The following WWOX variants were observed in gnomAD, a reference collection of about 807,000 sequenced individuals.
WWOX encodes WW domain containing oxidoreductase.
A neutral mutation model predicts 46.2 loss-of-function variants in WWOX; 69 were observed. The observed-to-expected ratio is 1.49, with a 90% CI of 1.23 to 1.82. The LOEUF (loss-of-function observed/expected upper bound fraction) is 1.82, where lower values mean the gene tolerates loss of function less well. Ranked by LOEUF, WWOX falls within the 40% of genes most tolerant of loss-of-function variation. The probability of loss-of-function intolerance (pLI) is 0.00; values close to 1 mark genes in which losing one functional copy is unlikely to be tolerated. For missense variants in WWOX, 919 were observed against 542.6 expected (o/e 1.69, Z -6.89); for synonymous variants, 359 against 202.6 (o/e 1.77, Z -6.56).
intron 8 of WWOX, among the ~76,000 whole-genome samples, chr16:78,968,791 G>C (rs773256993): frequency 2.6e-5 from 4 of 152,116 alleles, no homozygotes; most frequent in Non-Finnish European, 4.4e-5. Context: ...AGATAGCACA[G>C]ATTGTTTCAT....
chr16:78,294,698 C>A (rs2079915313), intron 5 of WWOX, among the ~76,000 whole-genome samples: 2 of 119,448 alleles, frequency 1.7e-5, no homozygotes, highest in East Asian at 6.5e-4. Context: ...TTGGATATAG[C>A]CTTATGTTCC....
chr16:78,379,347 C>G (rs1424646716), intron 5 of WWOX, among the ~76,000 whole-genome samples: 1 of 152,158 alleles, frequency 6.6e-6, no homozygotes, highest in African/African-American at 2.4e-5. Context: ...CAACCCTTCT[C>G]TCTGCAGTTG....
chr16:78,580,660 A>G (rs977217783), intron 8 of WWOX, among the ~76,000 whole-genome samples: 2 of 152,228 alleles, frequency 1.3e-5, no homozygotes, highest in African/African-American at 4.8e-5. Context: ...CTTTTGTAAC[A>G]CTATCTTGTT....
At chr16:79,030,520 A>G (rs2047731934) in intron 8 of WWOX, among the ~76,000 whole-genome samples, 2 of 152,192 alleles carry the variant, frequency 1.3e-5, no homozygotes, top group Non-Finnish European at 2.9e-5. Context: ...AGGCACTGAC[A>G]CCAGACCAGG....
chr16:78,122,297 T>A (rs1280580927), intron 4 of WWOX, among the ~76,000 whole-genome samples: 1 of 152,212 alleles, frequency 6.6e-6, no homozygotes, highest in East Asian at 1.9e-4. Context: ...GAAACTTTTT[T>A]GTCACATGAG....
intron 8 of WWOX, among the ~76,000 whole-genome samples, chr16:78,802,122 C>T (rs1190556528): frequency 6.7e-6 from 1 of 150,368 alleles, no homozygotes; most frequent in Non-Finnish European, 1.5e-5. Flanking sequence ...GAATCTCACT[C>T]TTAGATCAGA....
chr16:78,562,004 CT>C (rs1346877272), intron 8 of WWOX, among the ~76,000 whole-genome samples: 1 of 152,124 alleles, frequency 6.6e-6, no homozygotes, highest in Non-Finnish European at 1.5e-5. Context: ...TTCAGGATTG[CT>C]ATAATGATGA....
chr16:78,149,105 C>T lies in WWOX; in HGVS notation c.410-15078C>T, dbSNP rs577500315. Among the ~76,000 whole-genome samples the T allele has an allele frequency of 4.8e-4, 73 of 152,110 alleles. No homozygotes were observed. In the South Asian group the frequency reaches 9.6e-3, roughly 20 times the overall value. On this transcript the variant is annotated intron_variant, in intron 4 of 8. Transcript: ENST00000566780. ...TTCCTAAGCTCAAGTGATCCTCCTG[C>T]CTTGGCCTCCTAAAGTGCTGGGATT... is the stretch of plus-strand genomic sequence containing the variant.
At chr16:78,252,680 G>A (rs1357316508) in intron 5 of WWOX, among the ~76,000 whole-genome samples, 2 of 152,170 alleles carry the variant, frequency 1.3e-5, no homozygotes, top group Non-Finnish European at 2.9e-5. Flanking sequence ...GCCAGGAGAC[G>A]TAGACGAGCT....
At chr16:78,226,035 C>T (rs2037043315) in intron 5 of WWOX, among the ~76,000 whole-genome samples, 1 of 152,110 alleles carries the variant, frequency 6.6e-6, no homozygotes. Context: ...CAAAACAAAA[C>T]AACGAAAACT....
intron 8 of WWOX, among the ~76,000 whole-genome samples, chr16:78,880,615 A>G (rs76850998): frequency 0.034 from 5,111 of 152,318 alleles, 229 homozygotes; most frequent in East Asian, 0.26. Flanking sequence ...CAAAATGCCC[A>G]TCTTCATTCC....
chr16:78,557,858 G>C (rs1478408928), intron 8 of WWOX, among the ~76,000 whole-genome samples: 1 of 151,884 alleles, frequency 6.6e-6, no homozygotes, highest in Non-Finnish European at 1.5e-5. Flanking sequence ...ACCATACCCA[G>C]CTAATTTTTG....
rs532088926 is a variant in WWOX at position 78,724,024 on chromosome 16, G to C, written c.1056+291272G>C. On this transcript the variant is annotated intron_variant, in intron 8 of 8. Transcript: ENST00000566780. ...CAGCAGGAGCGGGAGAGGATGCATA[G>C]GACTACATGTTTTCTGGGCCAGGAC... Among the ~76,000 whole-genome samples, 111 of 152,222 alleles carry C rather than the reference G, an allele frequency of 7.3e-4. 2 individuals carry two copies. The South Asian group carries it at 0.022, about 31-fold the overall frequency.
At chr16:78,477,544 C>T (rs1234311225) in intron 8 of WWOX, among the ~76,000 whole-genome samples, 1 of 152,052 alleles carries the variant, frequency 6.6e-6, no homozygotes, top group East Asian at 1.9e-4. Context: ...GCACTTATAG[C>T]TTGTGTGATA....
chr16:78,249,620 T>C (rs938346854), intron 5 of WWOX, among the ~76,000 whole-genome samples: 1 of 152,194 alleles, frequency 6.6e-6, no homozygotes, highest in Non-Finnish European at 1.5e-5. Context: ...ATCTGGAACT[T>C]GGGCTACCCA....
At chr16:79,182,800 C>G (rs1424105) in intron 8 of WWOX, among the ~76,000 whole-genome samples, 2,438 of 152,286 alleles carry the variant, frequency 0.016, 56 homozygotes, top group African/African-American at 0.054. Flanking sequence ...GTGCCTGGCA[C>G]AGAACGAGCA....
chr16:78,790,296 G>C (rs757309534), intron 8 of WWOX, among the ~76,000 whole-genome samples: 46 of 151,970 alleles, frequency 3.0e-4, no homozygotes, highest in Non-Finnish European at 5.3e-4. Flanking sequence ...CAGCACGCCT[G>C]ACTGATTTCT....
intron 8 of WWOX, among the ~76,000 whole-genome samples, chr16:78,852,169 G>C (rs1379340745): frequency 6.6e-6 from 1 of 152,178 alleles, no homozygotes; most frequent in African/African-American, 2.4e-5. Flanking sequence ...GCACTGTCTA[G>C]AGAAAGGGAG....
rs535579007 is a variant in WWOX, at chr16:79,026,226, G to C, written c.1057-185382G>C. On this transcript the variant is annotated intron_variant, in intron 8 of 8. Coordinates refer to ENST00000566780, the MANE Select transcript of WWOX (RefSeq NM_016373.4). ...TGCCCTAGAGGCCCTTTTCAGCCCT[G>C]TTGACACTTCCCTTCTCTGTGCTTT... 2.6e-5 allele frequency among the ~76,000 whole-genome samples: 4 copies of C among 151,802 alleles called. No individual in the cohort carries two copies. In the South Asian group the frequency reaches 8.3e-4, roughly 31 times the overall value.
Sources: gnomAD v4.1 joint callset for allele counts (sites outside exome capture counted in the v4.1 genomes callset) on GRCh38, gnomAD v4.1.1 for gene constraint, MANE v1.5 for transcripts, NCBI Gene and HGNC (gene_info 2026-07-23, HGNC 2026-07-21) for gene names.